GALNTL6: variants seen among roughly 807,000 people sequenced by gnomAD.
GALNTL6 encodes the protein polypeptide N-acetylgalactosaminyltransferase like 6, also known as polypeptide N-acetylgalactosaminyltransferase-like 6.
Under a neutral mutation model 73.7 loss-of-function variants are expected in GALNTL6, and 46 were observed. The ratio of observed to expected loss-of-function variants is 0.62; its 90% confidence interval spans 0.49 to 0.80. GALNTL6 has a LOEUF of 0.80. Ranked by LOEUF, GALNTL6 falls within the 30% of genes least tolerant of loss-of-function variation. The probability of loss-of-function intolerance (pLI) is 0.00; values close to 1 mark genes in which losing one functional copy is unlikely to be tolerated. For synonymous variants in GALNTL6, 259 were observed against 263.7 expected, an observed-to-expected ratio of 0.98 and a Z score of 0.17; for missense variants, 604 against 755.0, an observed-to-expected ratio of 0.80 and a Z score of 2.34.
At chr4:172,215,680 T>C (rs941962580) in intron 2 of GALNTL6, among the ~76,000 whole-genome samples, 1 of 152,170 alleles carries the variant, frequency 6.6e-6, no homozygotes, top group Non-Finnish European at 1.5e-5. Flanking sequence ...AAAATCTCTG[T>C]GATTTAACTG....
intron 2 of GALNTL6, among the ~76,000 whole-genome samples, chr4:171,983,405 C>T (rs975010422): frequency 6.6e-6 from 1 of 152,126 alleles, no homozygotes; most frequent in Non-Finnish European, 1.5e-5. Context: ...TGACTGAGAA[C>T]TTTTCTAGAA....
rs1739563616 is a variant in GALNTL6 at position 171,971,344 on chromosome 4, A to C, written c.138+156626A>C. ...TGACTTGACTTCGCTACGGACTACA[A>C]GGTTCCAAAGACTTGGAGAAGACAG... On this transcript the variant is annotated intron_variant, in intron 2 of 12. Transcript: ENST00000506823. 2.0e-5 allele frequency among the ~76,000 whole-genome samples: 3 copies of C among 152,306 alleles called. No homozygotes were observed. In the South Asian group the frequency reaches 6.2e-4, roughly 32 times the overall value.
At chr4:172,293,883 A>G (rs1280644284) in intron 3 of GALNTL6, among the ~76,000 whole-genome samples, 1 of 150,800 alleles carries the variant, frequency 6.6e-6, no homozygotes, top group African/African-American at 2.4e-5. Context: ...ATTTGTTTTT[A>G]TTATACTTTA....
At chr4:172,514,345 C>T (rs1203624490) in intron 5 of GALNTL6, among the ~76,000 whole-genome samples, 3 of 152,158 alleles carry the variant, frequency 2.0e-5, no homozygotes, top group Non-Finnish European at 4.4e-5. Flanking sequence ...CTGCATCCTA[C>T]AGGTCACCAG....
intron 5 of GALNTL6, among the ~76,000 whole-genome samples, chr4:172,754,000 T>C (rs2110793479): frequency 6.6e-6 from 1 of 152,320 alleles, no homozygotes; most frequent in East Asian, 1.9e-4. Flanking sequence ...ATTCTTTTTA[T>C]TATGTGAGCA....
intron 2 of GALNTL6, among the ~76,000 whole-genome samples, chr4:172,054,272 G>T (rs538603677): frequency 3.3e-5 from 5 of 151,906 alleles, no homozygotes; most frequent in Non-Finnish European, 7.4e-5. Context: ...TTTATAACAG[G>T]GTTTTCAATC....
chr4:171,864,915 C>T (rs1735931264), intron 2 of GALNTL6, among the ~76,000 whole-genome samples: 1 of 151,950 alleles, frequency 6.6e-6, no homozygotes, highest in African/African-American at 2.4e-5. Context: ...GGAAACAGCA[C>T]TTAAGAGGTA....
intron 2 of GALNTL6, among the ~76,000 whole-genome samples, chr4:172,175,178 G>T (rs1179211089): frequency 6.6e-6 from 1 of 151,832 alleles, no homozygotes; most frequent in Non-Finnish European, 1.5e-5. Context: ...TGGGGTTCAA[G>T]TGATTCTCCT....
chr4:172,718,746 A>C (rs1056387696), intron 5 of GALNTL6, among the ~76,000 whole-genome samples: 1 of 151,792 alleles, frequency 6.6e-6, no homozygotes, highest in Non-Finnish European at 1.5e-5. Flanking sequence ...TGAGTGTTCA[A>C]AATGGTGCAT....
chr4:172,208,688 G>C (rs368500821), intron 2 of GALNTL6, among the ~76,000 whole-genome samples: 18 of 152,030 alleles, frequency 1.2e-4, no homozygotes, highest in African/African-American at 4.1e-4. Context: ...GAGTGTTTTT[G>C]GTGACTGTTT....
intron 2 of GALNTL6, among the ~76,000 whole-genome samples, chr4:171,818,376 A>G (rs997722623): frequency 6.6e-6 from 1 of 151,910 alleles, no homozygotes; most frequent in Non-Finnish European, 1.5e-5. Context: ...ATTCCAAAAA[A>G]AGTAACTGTA....
intron 7 of GALNTL6, among the ~76,000 whole-genome samples, chr4:172,822,041 A>C (rs1741960903): frequency 6.6e-6 from 1 of 152,178 alleles, no homozygotes; most frequent in African/African-American, 2.4e-5. Flanking sequence ...CAGGGTCAGA[A>C]ATGACTGCTT....
At chr4:172,583,568 A>G (rs2110979158) in intron 5 of GALNTL6, among the ~76,000 whole-genome samples, 1 of 152,294 alleles carries the variant, frequency 6.6e-6, no homozygotes, top group East Asian at 1.9e-4. Context: ...TTGTGTTTTA[A>G]CCACTGCTAA....
At chr4:172,734,318 A>T (rs957568586) in intron 5 of GALNTL6, among the ~76,000 whole-genome samples, 1 of 152,252 alleles carries the variant, frequency 6.6e-6, no homozygotes, top group African/African-American at 2.4e-5. Context: ...AGAAATTTGC[A>T]TAAGTAACAA....
At chr4:172,546,614 T>A (rs978717245) in intron 5 of GALNTL6, among the ~76,000 whole-genome samples, 7 of 150,930 alleles carry the variant, frequency 4.6e-5, no homozygotes, top group Non-Finnish European at 1.0e-4. Context: ...CTTCTAGGAG[T>A]AGATGCCATC....
chr4:172,424,886 A>G (rs1465137508), intron 5 of GALNTL6, among the ~76,000 whole-genome samples: 2 of 123,494 alleles, frequency 1.6e-5, no homozygotes, highest in African/African-American at 6.2e-5. Flanking sequence ...TTCAATGACT[A>G]GAAATTTTAG....
At chr4:172,368,359 C>T (rs572637207) in intron 5 of GALNTL6, among the ~76,000 whole-genome samples, 14 of 151,976 alleles carry the variant, frequency 9.2e-5, no homozygotes, top group South Asian at 8.3e-4. Context: ...CCAGCCTGGG[C>T]GACAGTGCGA....
At chr4:172,957,507 C>T (rs774354286) in intron 10 of GALNTL6, among the ~76,000 whole-genome samples, 1 of 152,162 alleles carries the variant, frequency 6.6e-6, no homozygotes, top group African/African-American at 2.4e-5. Context: ...AGTTGCAACG[C>T]TAGCTGCTTT....
In GALNTL6 at chr4:172,759,032, G is replaced by T. The variant is rs528087359; in HGVS notation, c.554-50329G>T. Among the ~76,000 whole-genome samples, 43 of 152,274 alleles carry T rather than the reference G, an allele frequency of 2.8e-4. No homozygotes were observed. In the Middle Eastern group the frequency reaches 0.01, roughly 36 times the overall value. ...ATTAGAAATATAACCAGTTAGTCTA[G>T]GAGGTTCAACTTATTGCAGTAAAAT... On this transcript the variant is annotated intron_variant, in intron 5 of 12. Transcript: ENST00000506823.
Sources: gnomAD v4.1 joint callset for allele counts (sites outside exome capture counted in the v4.1 genomes callset) on GRCh38, gnomAD v4.1.1 for gene constraint, MANE v1.5 for transcripts, NCBI Gene and HGNC (gene_info 2026-07-23, HGNC 2026-07-21) for gene names.